PRKCE: variants seen among roughly 807,000 people sequenced by gnomAD.
PRKCE encodes protein kinase C epsilon, also known as protein kinase C epsilon type.
A neutral mutation model predicts 85.4 loss-of-function variants in PRKCE; 16 were observed. The observed-to-expected ratio is 0.19, with a 90% confidence interval of 0.13 to 0.28. The LOEUF (loss-of-function observed/expected upper bound fraction) is 0.28, where lower values mean the gene tolerates loss of function less well. PRKCE is among the 10% of genes least tolerant of loss of function. The probability of loss-of-function intolerance (pLI) is 1.00; values close to 1 mark genes in which losing one functional copy is unlikely to be tolerated. For synonymous variants in PRKCE, 388 were observed against 371.5 expected (o/e 1.04, Z -0.51); for missense variants, 573 against 975.2 (o/e 0.59, Z 5.49).
intron 10 of PRKCE, among the ~76,000 whole-genome samples, chr2:46,080,941 TAACTA>T (rs1234576799): frequency 1.3e-5 from 2 of 150,914 alleles, no homozygotes; most frequent in African/African-American, 4.9e-5. Flanking sequence ...CTAGCTAACT[TAACTA>T]AGCAGTAAGA....
intron 2 of PRKCE, among the ~76,000 whole-genome samples, chr2:45,918,024 G>A (rs572225048): frequency 6.6e-5 from 10 of 152,350 alleles, no homozygotes; most frequent in African/African-American, 2.4e-4. Flanking sequence ...CGCTAGCGCC[G>A]CGCGCAGCCC....
At position 46,002,929 on chromosome 2, in the gene PRKCE, C is replaced by G. The variant is rs1704824881; in HGVS notation, c.966+1383C>G. Among the ~76,000 whole-genome samples, 3 of 152,204 alleles carry G rather than the reference C, an allele frequency of 2.0e-5. No homozygotes were observed. In the South Asian group the frequency reaches 6.2e-4, roughly 31 times the overall value. On this transcript the variant is annotated intron_variant, in intron 7 of 14. Coordinates refer to ENST00000306156, the MANE Select transcript of PRKCE (RefSeq NM_005400.3). ...TTGTCATGAAACATTTGAAAGAAAA[C>G]TCAGTACCTGCTGTCTTTGCGCTAT...
intron 2 of PRKCE, among the ~76,000 whole-genome samples, chr2:45,916,240 A>T (rs1266668404): frequency 3.5e-5 from 5 of 141,856 alleles, no homozygotes; most frequent in African/African-American, 7.8e-5. Flanking sequence ...GCACTGAGAA[A>T]TTTTTTTTTT....
chr2:45,873,075 G>T (rs182878694), intron 2 of PRKCE, among the ~76,000 whole-genome samples: 1 of 152,202 alleles, frequency 6.6e-6, no homozygotes, highest in East Asian at 1.9e-4. Flanking sequence ...TCTGCTAAGG[G>T]CCTACCCAGA....
At chr2:45,968,665 A>T (rs1701897278) in intron 2 of PRKCE, among the ~76,000 whole-genome samples, 1 of 152,238 alleles carries the variant, frequency 6.6e-6, no homozygotes, top group East Asian at 1.9e-4. Context: ...TTATCTGCTG[A>T]ATATTCCTAA....
intron 1 of PRKCE, among the ~76,000 whole-genome samples, chr2:45,751,809 ATTTTTTTTTT>A (rs34589907): frequency 4.6e-4 from 36 of 78,504 alleles, no homozygotes; most frequent in African/African-American, 1.7e-3. Flanking sequence ...GCTAACCACT[ATTTTTTTTTT>A]TTTTTTTTTT....
chr2:45,955,173 A>G (rs1700886836), intron 2 of PRKCE, among the ~76,000 whole-genome samples: 1 of 152,222 alleles, frequency 6.6e-6, no homozygotes, highest in Non-Finnish European at 1.5e-5. Flanking sequence ...GGTAGTTCAA[A>G]GAAGAAAAAG....
At chr2:46,136,357 T>C (rs1675000646) in intron 11 of PRKCE, among the ~76,000 whole-genome samples, 1 of 152,254 alleles carries the variant, frequency 6.6e-6, no homozygotes, top group Admixed American at 6.5e-5. Flanking sequence ...AGATGCTGTA[T>C]GGTTTACAGA....
intron 14 of PRKCE, among the ~76,000 whole-genome samples, chr2:46,172,295 C>T (rs993522236): frequency 1.3e-5 from 2 of 152,250 alleles, no homozygotes; most frequent in Non-Finnish European, 2.9e-5. Flanking sequence ...AGCGACATAT[C>T]CAGGCCATTC....
At chr2:45,969,448 A>G (rs980239263) in intron 2 of PRKCE, among the ~76,000 whole-genome samples, 1 of 152,186 alleles carries the variant, frequency 6.6e-6, no homozygotes, top group Non-Finnish European at 1.5e-5. Flanking sequence ...GGCTGAGTGC[A>G]TCCAGTGCCA....
At chr2:45,654,819 G>A (rs1043940576) in intron 1 of PRKCE, among the ~76,000 whole-genome samples, 1 of 152,178 alleles carries the variant, frequency 6.6e-6, no homozygotes, top group Non-Finnish European at 1.5e-5. Context: ...GGGACTCATT[G>A]GCAGGGGTGA....
intron 3 of PRKCE, among the ~76,000 whole-genome samples, chr2:45,977,453 A>C (rs1410888173): frequency 6.6e-6 from 1 of 152,028 alleles, no homozygotes; most frequent in Non-Finnish European, 1.5e-5. Context: ...CCTGGTCAAC[A>C]TGGTGAAACC....
At chr2:45,924,284 A>C (rs1381757429) in intron 2 of PRKCE, among the ~76,000 whole-genome samples, 2 of 152,026 alleles carry the variant, frequency 1.3e-5, no homozygotes, top group African/African-American at 2.4e-5. Context: ...GTTTGGGGAG[A>C]GGTATAACAA....
chr2:46,172,689 G>C (rs903734817), intron 14 of PRKCE, among the ~76,000 whole-genome samples: 11 of 152,230 alleles, frequency 7.2e-5, no homozygotes, highest in African/African-American at 2.7e-4. Flanking sequence ...CTACATCCGG[G>C]GGAGTGTTCT....
rs1675330681 is a variant in PRKCE, at chr2:46,139,774, A to T, written c.1593-5319A>T. On this transcript the variant is annotated intron_variant, in intron 11 of 14. Transcript: ENST00000306156. This position sits in a 1 kb window ranked among gnomAD's most constrained non-coding sequence, Gnocchi z 5.2. ...GAGAATATATAGAAGGAGGAAAGAA[A>T]AAGAAGAGTAAGGCTCTTCCTTTTA... Among the ~76,000 whole-genome samples, 1 of 152,002 alleles carries T rather than the reference A, an allele frequency of 6.6e-6. No individual in the cohort carries two copies. The highest frequency in any genetic ancestry group is 1.5e-5 in the Non-Finnish European group (1 of 67,994).
At chr2:45,861,166 G>C (rs1271604630) in intron 2 of PRKCE, among the ~76,000 whole-genome samples, 2 of 152,160 alleles carry the variant, frequency 1.3e-5, no homozygotes, top group Non-Finnish European at 2.9e-5. Flanking sequence ...CTGAGCCATT[G>C]CCTGATGTGA....
At chr2:45,934,491 A>G (rs1038561669) in intron 2 of PRKCE, among the ~76,000 whole-genome samples, 1 of 152,162 alleles carries the variant, frequency 6.6e-6, no homozygotes, top group Non-Finnish European at 1.5e-5. Flanking sequence ...TCTACTAAAA[A>G]TACAAAAATT....
chr2:45,939,061 C>G (rs1369827554), intron 2 of PRKCE, among the ~76,000 whole-genome samples: 1 of 152,214 alleles, frequency 6.6e-6, no homozygotes, highest in African/African-American at 2.4e-5. Flanking sequence ...AGCACCCTGC[C>G]AGGGTGGAGG....
chr2:45,868,861 G>A (rs1693842202), intron 2 of PRKCE, among the ~76,000 whole-genome samples: 1 of 151,208 alleles, frequency 6.6e-6, no homozygotes, highest in South Asian at 2.1e-4. Context: ...GGGAGGCTGA[G>A]ACAGAAGAAT....
Sources: allele counts gnomAD v4.1 joint callset (sites outside exome capture counted in the v4.1 genomes callset), GRCh38; gene constraint gnomAD v4.1.1; non-coding constraint Gnocchi (gnomAD v3.1); transcripts MANE v1.5; gene names NCBI Gene and HGNC (gene_info 2026-07-23, HGNC 2026-07-21).